NUBPL: variants seen among roughly 807,000 people sequenced by gnomAD.
NUBPL encodes iron-sulfur cluster transfer protein NUBPL.
Under a neutral mutation model 45.7 loss-of-function variants are expected in NUBPL, and 31 were observed. The ratio of observed to expected loss-of-function variants is 0.68; its 90% confidence interval spans 0.51 to 0.92. The LOEUF is 0.92. Among genes scored for constraint, NUBPL ranks in the 40% least tolerant of loss-of-function variants. The probability of loss-of-function intolerance (pLI) is 0.00; values close to 1 mark genes in which losing one functional copy is unlikely to be tolerated. For synonymous variants in NUBPL, 144 were observed against 140.9 expected, an observed-to-expected ratio of 1.02 and a Z score of -0.15; for missense variants, 401 against 398.7, an observed-to-expected ratio of 1.01 and a Z score of -0.05.
rs187406580 is a variant in NUBPL, at chr14:31,779,885, T to C, written c.514-7895T>C. On this transcript the variant is annotated intron_variant, in intron 6 of 10. Coordinates refer to ENST00000281081, the MANE Select transcript of NUBPL (RefSeq NM_025152.3). Reference sequence around the variant, plus strand: ...ACCGAGGCAGGTTTTTGGAGTTTACTTACAGTCTTAAGGTTCTTGGGCCTG... The same window carrying C: ...ACCGAGGCAGGTTTTTGGAGTTTACCTACAGTCTTAAGGTTCTTGGGCCTG... 5.8e-4 allele frequency among the ~76,000 whole-genome samples: 89 copies of C among 152,332 alleles called. 1 individual carries two copies. Among genetic ancestry groups the C allele is most frequent in the Middle Eastern group, 3.4e-3 (1 of 294 alleles).
chr14:31,839,423 G>T (rs1006773518), intron 8 of NUBPL, among the ~76,000 whole-genome samples: 3 of 152,250 alleles, frequency 2.0e-5, no homozygotes, highest in African/African-American at 4.8e-5. Flanking sequence ...GCAGAAGAAT[G>T]AAATTAGACC....
chr14:31,724,970 G>A (rs2037888880), intron 6 of NUBPL, among the ~76,000 whole-genome samples: 1 of 151,870 alleles, frequency 6.6e-6, no homozygotes, highest in Admixed American at 6.6e-5. Flanking sequence ...ACAAAATGAA[G>A]GGAACAAGTG....
intron 6 of NUBPL, among the ~76,000 whole-genome samples, chr14:31,683,127 C>A (rs1234055575): frequency 6.7e-6 from 1 of 150,166 alleles, no homozygotes; most frequent in Admixed American, 6.6e-5. Context: ...TCTTCCATGA[C>A]CCAAGAACCT....
At chr14:31,651,243 G>A (rs534245534) in intron 4 of NUBPL, among the ~76,000 whole-genome samples, 1 of 151,998 alleles carries the variant, frequency 6.6e-6, no homozygotes, top group African/African-American at 2.4e-5. Context: ...AGCAATTCTT[G>A]TGCCTCAGCC....
At chr14:31,719,216 T>C (rs2037754906) in intron 6 of NUBPL, among the ~76,000 whole-genome samples, 1 of 152,196 alleles carries the variant, frequency 6.6e-6, no homozygotes. Flanking sequence ...GAGAGTGTCA[T>C]ACTGCCTGTA....
At chr14:31,761,370 C>T (rs1313281097) in intron 6 of NUBPL, among the ~76,000 whole-genome samples, 2 of 149,576 alleles carry the variant, frequency 1.3e-5, no homozygotes, top group African/African-American at 4.9e-5. Flanking sequence ...TAGATGAGGT[C>T]AGTGCTTTTC....
At chr14:31,820,589 A>C (rs150410792) in intron 7 of NUBPL, among the ~76,000 whole-genome samples, 62 of 152,018 alleles carry the variant, frequency 4.1e-4, no homozygotes, top group African/African-American at 1.5e-3. Context: ...ATTGGGAGGC[A>C]GAGACAGGTG....
intron 4 of NUBPL, among the ~76,000 whole-genome samples, chr14:31,669,812 T>A (rs1474055322): frequency 2.0e-5 from 3 of 148,410 alleles, no homozygotes; most frequent in African/African-American, 7.4e-5. Flanking sequence ...TTTTTTTGTT[T>A]TTTTTTTTTT....
At chr14:31,642,139 C>A (rs1184194229) in intron 4 of NUBPL, among the ~76,000 whole-genome samples, 1 of 152,064 alleles carries the variant, frequency 6.6e-6, no homozygotes, top group African/African-American at 2.4e-5. Context: ...GTGGTCTTTT[C>A]TCCTTGTTGA....
At position 31,785,580 on chromosome 14, in the gene NUBPL, G is replaced by A. The variant is rs1488428555; in HGVS notation, c.514-2200G>A. Among the ~76,000 whole-genome samples, 4 of 152,268 alleles carry A rather than the reference G, an allele frequency of 2.6e-5. No homozygotes were observed. The South Asian group carries it at 8.3e-4, about 32-fold the overall frequency. On this transcript the variant is annotated intron_variant, in intron 6 of 10. Transcript: ENST00000281081. ...ACAAAATGGTCCCTGGTGCCAAAAA[G>A]GTTGTGGACTGCTGTAGTAAGGGAT...
chr14:31,641,183 C>T (rs1315469397), intron 4 of NUBPL, among the ~76,000 whole-genome samples: 2 of 152,182 alleles, frequency 1.3e-5, no homozygotes, highest in African/African-American at 4.8e-5. Context: ...ATCTCTTGAC[C>T]TTGTGATCCT....
intron 6 of NUBPL, among the ~76,000 whole-genome samples, chr14:31,740,227 G>A (rs907723344): frequency 1.3e-5 from 2 of 152,096 alleles, no homozygotes; most frequent in African/African-American, 2.4e-5. Context: ...GTAAGAAACC[G>A]CCTGTCTTCC....
intron 8 of NUBPL, among the ~76,000 whole-genome samples, chr14:31,833,374 A>C (rs1208450578): frequency 6.6e-6 from 1 of 152,178 alleles, no homozygotes; most frequent in African/African-American, 2.4e-5. Flanking sequence ...TTGTCTCAAA[A>C]AAAAAAAATT....
intron 6 of NUBPL, among the ~76,000 whole-genome samples, chr14:31,777,784 T>C (rs1421679006): frequency 1.3e-5 from 2 of 152,168 alleles, no homozygotes; most frequent in Non-Finnish European, 2.9e-5. Flanking sequence ...CAGCAGCAAG[T>C]ATTAGCGATA....
chr14:31,677,131 C>T (rs556232102), intron 6 of NUBPL, among the ~76,000 whole-genome samples: 35 of 152,044 alleles, frequency 2.3e-4, no homozygotes, highest in African/African-American at 8.0e-4. Context: ...ATAATTGCAT[C>T]AGAGTAAATG....
chr14:31,740,994 T>G (rs1395999469), intron 6 of NUBPL, among the ~76,000 whole-genome samples: 1 of 152,250 alleles, frequency 6.6e-6, no homozygotes, highest in African/African-American at 2.4e-5. Context: ...CTGTTTACAT[T>G]ATCTGTTGGT....
intron 4 of NUBPL, among the ~76,000 whole-genome samples, chr14:31,605,445 A>G (rs979115945): frequency 1.3e-5 from 2 of 152,224 alleles, no homozygotes; most frequent in African/African-American, 2.4e-5. Flanking sequence ...GGATATGTCA[A>G]GTATTTTATT....
At chr14:31,772,710 C>T (rs2039029893) in intron 6 of NUBPL, among the ~76,000 whole-genome samples, 1 of 152,270 alleles carries the variant, frequency 6.6e-6, no homozygotes, top group Admixed American at 6.5e-5. Context: ...GGCCAGCCTG[C>T]TGTGTACCTC....
intron 4 of NUBPL, among the ~76,000 whole-genome samples, chr14:31,631,823 G>A (rs529718152): frequency 7.9e-5 from 12 of 151,992 alleles, no homozygotes; most frequent in South Asian, 2.1e-4. Flanking sequence ...ACATGAAGGC[G>A]GGCAACCTGA....
Sources: gnomAD v4.1 joint callset for allele counts (sites outside exome capture counted in the v4.1 genomes callset) on GRCh38, gnomAD v4.1.1 for gene constraint, MANE v1.5 for transcripts, NCBI Gene and HGNC (gene_info 2026-07-23, HGNC 2026-07-21) for gene names.